The following MYMX variants were observed in gnomAD, a reference collection of about 807,000 sequenced individuals.
MYMX encodes protein myomixer.
chr6:44,216,667 AAAAAAG>A (rs1301676789), upstream of MYMX, among the ~76,000 whole-genome samples: 175 of 150,900 alleles, frequency 1.2e-3, no homozygotes, highest in African/African-American at 4.1e-3. Context: ...AAAAAAAAAA[AAAAAAG>A]AAGAAGAGAA....
the MYMX span, among the ~76,000 whole-genome samples, chr6:44,195,886 A>G: frequency 2.0e-5 from 3 of 152,134 alleles, no homozygotes; most frequent in East Asian, 5.8e-4. Context: ...TGGACACTTA[A>G]GTTGTTTCTA....
At chr6:44,193,145 C>CA in the MYMX span, among the ~76,000 whole-genome samples, 6 of 152,192 alleles carry the variant, frequency 3.9e-5, no homozygotes, top group African/African-American at 1.4e-4. Context: ...AGAGAACACT[C>CA]AGGGGAAAAT....
the MYMX span, among the ~76,000 whole-genome samples, chr6:44,196,332 T>A: frequency 6.6e-6 from 1 of 152,304 alleles, no homozygotes; most frequent in East Asian, 1.9e-4. Context: ...AAACATGCAA[T>A]TCCAGGTTTA....
chr6:44,193,805 T>C, the MYMX span, among the ~76,000 whole-genome samples: 1 of 152,088 alleles, frequency 6.6e-6, no homozygotes, highest in Non-Finnish European at 1.5e-5. Flanking sequence ...CAAAACATGG[T>C]GAAAACCTGT....
chr6:44,198,567 C>G, the MYMX span, among the ~76,000 whole-genome samples: 1 of 151,306 alleles, frequency 6.6e-6, no homozygotes, highest in Non-Finnish European at 1.5e-5. Context: ...AGTGCAGTGG[C>G]GCAATCTCAG....
At chr6:44,211,788 T>TTGTGTGTTTG in the MYMX span, among the ~76,000 whole-genome samples, 155 of 126,430 alleles carry the variant, frequency 1.2e-3, no homozygotes, top group African/African-American at 4.7e-3. Flanking sequence ...CAGCTAGGTT[T>TTGTGTGTTTG]TGTGTGTGTG....
chr6:44,206,679 TG>T, the MYMX span, among the ~76,000 whole-genome samples: 1 of 152,208 alleles, frequency 6.6e-6, no homozygotes, highest in African/African-American at 2.4e-5. Context: ...CATTTTTGTT[TG>T]TTTGTTTTTT....
At chr6:44,211,738 C>T in the MYMX span, among the ~76,000 whole-genome samples, 3 of 150,408 alleles carry the variant, frequency 2.0e-5, no homozygotes, top group African/African-American at 4.9e-5. Context: ...GTGTCTGAGC[C>T]TCCTGCGTAG....
At chr6:44,211,095 T>C in the MYMX span, among the ~76,000 whole-genome samples, 6 of 152,300 alleles carry the variant, frequency 3.9e-5, no homozygotes, top group Admixed American at 3.9e-4. Context: ...ACAGCAAGAC[T>C]CTGTCTAAAT....
the MYMX span, among the ~76,000 whole-genome samples, chr6:44,201,082 G>C: frequency 6.6e-6 from 1 of 152,178 alleles, no homozygotes; most frequent in Non-Finnish European, 1.5e-5. Flanking sequence ...CCACTGCCCG[G>C]TCGCCTGTGC....
chr6:44,211,903 C>G, the MYMX span, among the ~76,000 whole-genome samples: 1,852 of 151,518 alleles, frequency 0.012, 35 homozygotes, highest in African/African-American at 0.042. Flanking sequence ...CCTCCTCCCC[C>G]CAAAGTACTG....
the MYMX span, among the ~76,000 whole-genome samples, chr6:44,203,450 A>G: frequency 6.6e-6 from 1 of 152,238 alleles, no homozygotes; most frequent in South Asian, 2.1e-4. Flanking sequence ...TTTTCCAAAG[A>G]CAGTTTCAGG....
chr6:44,205,463 A>C, the MYMX span, among the ~76,000 whole-genome samples: 1 of 152,148 alleles, frequency 6.6e-6, no homozygotes, highest in South Asian at 2.1e-4. Context: ...GTTTGAGACC[A>C]GCCTGGGCAA....
At chr6:44,200,021 A>T in the MYMX span, among the ~76,000 whole-genome samples, 1 of 152,088 alleles carries the variant, frequency 6.6e-6, no homozygotes, top group Non-Finnish European at 1.5e-5. Context: ...AGCCAGGCAC[A>T]GTGGCTCATG....
At chr6:44,196,659 T>C in the MYMX span, among the ~76,000 whole-genome samples, 2 of 151,602 alleles carry the variant, frequency 1.3e-5, no homozygotes, top group Admixed American at 1.3e-4. Context: ...TAAGGCTCGG[T>C]CTCCAAACAA....
the MYMX span, among the ~76,000 whole-genome samples, chr6:44,211,522 A>G: frequency 4.5e-3 from 682 of 152,282 alleles, 6 homozygotes; most frequent in Middle Eastern, 0.017. Context: ...AGATAGGAGA[A>G]ATAATTCTGG....
chr6:44,209,919 A>G, the MYMX span: 1 of 123,762 alleles, frequency 8.1e-6, no homozygotes, highest in Non-Finnish European at 1.6e-5. Flanking sequence ...GTCAAAAACA[A>G]AAAAAGTATA....
At chr6:44,217,387 A>T in intron 1 of MYMX, 63 bp from the exon 2 acceptor site, 1 of 398,434 alleles carries the variant, frequency 2.5e-6, no homozygotes, top group Non-Finnish European at 4.4e-6. Context: ...TGCCCACCCC[A>T]TGTCCTTGCC....
the MYMX span, among the ~76,000 whole-genome samples, chr6:44,206,000 A>C: frequency 6.7e-6 from 1 of 148,938 alleles, no homozygotes; most frequent in Non-Finnish European, 1.5e-5. Context: ...AAACAAAACA[A>C]AAAAAAACCT....
Sources: gnomAD v4.1 joint callset for allele counts (sites outside exome capture counted in the v4.1 genomes callset) on GRCh38, gnomAD v4.1.1 for gene constraint, MANE v1.5 for transcripts, NCBI Gene and HGNC (gene_info 2026-07-23, HGNC 2026-07-21) for gene names.